CLDN16: variants seen among roughly 807,000 people sequenced by gnomAD.
The protein encoded by CLDN16 is claudin 16.
Under a neutral mutation model 24.6 loss-of-function variants are expected in CLDN16, and 13 were observed. That is an observed-to-expected ratio of 0.53 (90% CI 0.34 to 0.84). The LOEUF (loss-of-function observed/expected upper bound fraction) is 0.84, where lower values mean the gene tolerates loss of function less well. CLDN16 is among the 40% of genes least tolerant of loss of function. The pLI is 0.01. For missense variants in CLDN16, 298 were observed against 292.7 expected (o/e 1.02, Z -0.13); for synonymous variants, 116 against 106.7 (o/e 1.09, Z -0.54).
chr3:190,388,305 C>T lies in CLDN16; in HGVS notation c.-25C>T, dbSNP rs767119879. 6.2e-7 allele frequency: 1 copy of T among 1,614,056 alleles called. No individual in the cohort carries two copies. Among genetic ancestry groups the T allele is most frequent in the Non-Finnish European group, 8.5e-7 (1 of 1,180,032 alleles). On this transcript the variant is annotated 5_prime_UTR_variant, in exon 1 of 5. Coordinates refer to ENST00000264734, the MANE Select transcript of CLDN16 (RefSeq NM_006580.4). ...CCAGGGCTGGTGTCTGCCCATGTTG[C>T]CATCCTGATGGGCTGCTTGCCACAA... is the stretch of plus-strand genomic sequence containing the variant.
chr3:190,385,596 G>A (rs1245254028), upstream of CLDN16, among the ~76,000 whole-genome samples: 3 of 151,434 alleles, frequency 2.0e-5, no homozygotes, highest in Non-Finnish European at 2.9e-5. Flanking sequence ...AAGAATCTAT[G>A]ATTTCCAGAG....
chr3:190,401,111 C>T (rs1163225852), intron 1 of CLDN16, among the ~76,000 whole-genome samples: 1 of 152,060 alleles, frequency 6.6e-6, no homozygotes, highest in Non-Finnish European at 1.5e-5. Context: ...AAGTATTTTA[C>T]ATATAAAGTA....
chr3:190,309,419 A>G, the CLDN16 span, among the ~76,000 whole-genome samples: 4 of 152,186 alleles, frequency 2.6e-5, no homozygotes, highest in African/African-American at 9.7e-5. Context: ...AACACATCTT[A>G]TCTCTCCAAA....
chr3:190,408,248 A>C (rs541934527), intron 3 of CLDN16, 66 bp from the exon 4 acceptor site: 1 of 1,441,412 alleles, frequency 6.9e-7, no homozygotes, highest in African/African-American at 1.4e-5. Flanking sequence ...TGTAGTAAGC[A>C]GGTATTTTTG....
chr3:190,377,018 G>A (rs898982571), intron 3 of CLDN16, among the ~76,000 whole-genome samples: 1 of 152,068 alleles, frequency 6.6e-6, no homozygotes, highest in Middle Eastern at 3.4e-3. Context: ...GTTAAGTGCT[G>A]AAGGAGTGAG....
chr3:190,333,100 T>C (rs1401122752), intron 1 of CLDN16, among the ~76,000 whole-genome samples: 2 of 152,160 alleles, frequency 1.3e-5, no homozygotes, highest in Admixed American at 6.6e-5. Context: ...AATAAACCTT[T>C]ACACCCAACA....
the CLDN16 span, among the ~76,000 whole-genome samples, chr3:190,296,548 ATTT>A: frequency 4.5e-5 from 6 of 133,694 alleles, no homozygotes; most frequent in Admixed American, 7.7e-5. Flanking sequence ...GTCAGATTTA[ATTT>A]TTTTTTTTTT....
At chr3:190,348,279 T>TAAAAAA (rs1491193283) in intron 1 of CLDN16, among the ~76,000 whole-genome samples, 1 of 25,602 alleles carries the variant, frequency 3.9e-5, no homozygotes, top group Non-Finnish European at 1.0e-4. Context: ...AAAGAATAAA[T>TAAAAAA]CAAAAAAAAA....
intron 1 of CLDN16, chr3:190,322,787 A>G (rs958955820): frequency 1.0e-4 from 16 of 155,188 alleles, no homozygotes; most frequent in African/African-American, 3.8e-4. Context: ...TAGGTTTAAT[A>G]CTTTTTTCCC....
chr3:190,365,797 C>T (rs1208256362), intron 1 of CLDN16, among the ~76,000 whole-genome samples: 1 of 151,650 alleles, frequency 6.6e-6, no homozygotes, highest in African/African-American at 2.4e-5. Context: ...CCATTGTGTT[C>T]CATTCCTCCC....
intron 1 of CLDN16, among the ~76,000 whole-genome samples, chr3:190,329,756 A>G (rs988059487): frequency 2.0e-5 from 3 of 152,138 alleles, no homozygotes; most frequent in African/African-American, 7.2e-5. Context: ...TTAAAGGAGG[A>G]ATAATACCTG....
chr3:190,328,905 T>C (rs1245448377), intron 1 of CLDN16, among the ~76,000 whole-genome samples: 1 of 152,222 alleles, frequency 6.6e-6, no homozygotes, highest in Non-Finnish European at 1.5e-5. Flanking sequence ...CTATGGTTTC[T>C]GATTTCTCCA....
chr3:190,399,506 C>A (rs1718907675), intron 1 of CLDN16, among the ~76,000 whole-genome samples: 1 of 87,798 alleles, frequency 1.1e-5, no homozygotes, highest in South Asian at 3.6e-4. Flanking sequence ...CGAGACTCTG[C>A]CTCAAAAAAA....
intron 1 of CLDN16, among the ~76,000 whole-genome samples, chr3:190,368,500 G>T (rs753164247): frequency 6.6e-6 from 1 of 151,970 alleles, no homozygotes; most frequent in African/African-American, 2.4e-5. Flanking sequence ...AGTTTTGGGG[G>T]TAATTTGTTA....
At chr3:190,405,064 C>T in intron 3 of CLDN16, 138 bp downstream of exon 3, 1 of 823,314 alleles carries the variant, frequency 1.2e-6, no homozygotes, top group Admixed American at 2.0e-5. Flanking sequence ...CTAAAGGTCA[C>T]TTCTACCAGC....
At chr3:190,345,007 G>A (rs1467152658) in intron 1 of CLDN16, among the ~76,000 whole-genome samples, 1 of 152,176 alleles carries the variant, frequency 6.6e-6, no homozygotes, top group Non-Finnish European at 1.5e-5. Context: ...TTCAGAGACA[G>A]AGGAAGAGTT....
At chr3:190,350,015 C>T (rs2108635041) in intron 1 of CLDN16, among the ~76,000 whole-genome samples, 1 of 152,180 alleles carries the variant, frequency 6.6e-6, no homozygotes, top group Admixed American at 6.5e-5. Flanking sequence ...ATGTACTAAT[C>T]TTTTGAGGGG....
At chr3:190,321,511 T>C (rs887625462), upstream of CLDN16, among the ~76,000 whole-genome samples, 2 of 152,198 alleles carry the variant, frequency 1.3e-5, no homozygotes, top group African/African-American at 4.8e-5. Context: ...AAAAATCATA[T>C]TAAAGGTTAA....
At chr3:190,391,691 AAAG>A (rs1458894947) in intron 1 of CLDN16, among the ~76,000 whole-genome samples, 1 of 152,216 alleles carries the variant, frequency 6.6e-6, no homozygotes, top group African/African-American at 2.4e-5. Context: ...TGGGCAACAC[AAAG>A]AAGGAGGCAG....
Sources: allele counts gnomAD v4.1 joint callset (sites outside exome capture counted in the v4.1 genomes callset), GRCh38; gene constraint gnomAD v4.1.1; transcripts MANE v1.5; gene names NCBI Gene and HGNC (gene_info 2026-07-23, HGNC 2026-07-21).